C1QTNF6: variants seen among roughly 807,000 people sequenced by gnomAD.
The protein encoded by C1QTNF6 is complement C1q tumor necrosis factor-related protein 6.
C1QTNF6 carries 17 observed loss-of-function variants against 20.7 expected under a neutral mutation model. That is an observed-to-expected ratio of 0.82 (90% CI 0.56 to 1.23). The LOEUF is 1.23. Ranked by LOEUF, C1QTNF6 falls within the 50% of genes most tolerant of loss-of-function variation. C1QTNF6 has a pLI of 0.00. For synonymous variants in C1QTNF6, 130 were observed against 156.3 expected (o/e 0.83, Z 1.25); for missense variants, 329 against 389.7 (o/e 0.84, Z 1.31).
At position 37,182,160 on chromosome 22, in the gene C1QTNF6, T is replaced by A. The variant is rs1349590811; in HGVS notation, c.*28A>T. The A allele has an allele frequency of 6.3e-7, 1 of 1,586,264 alleles. No individual in the cohort carries two copies. The highest frequency in any genetic ancestry group is 1.2e-5 in the South Asian group (1 of 85,652). ...GGGGACGGGACCAGCACCTGAGCTC[T>A]CCAGCCGGGAGGGTGGCCCAGAGGC... On this transcript the variant is annotated 3_prime_UTR_variant, in exon 3 of 3. Transcript: ENST00000337843.
intron 1 of C1QTNF6, chr22:37,185,929 G>A (rs1018066436): frequency 4.1e-6 from 4 of 986,234 alleles, no homozygotes; most frequent in South Asian, 9.4e-5. Flanking sequence ...CATGCCCTCC[G>A]GGCAGGAGGA....
At chr22:37,197,991 G>C (rs149975694), upstream of C1QTNF6, 1 of 152,262 alleles carries the variant, frequency 6.6e-6, no homozygotes, top group Non-Finnish European at 1.5e-5. Flanking sequence ...CATCGGGGCC[G>C]ACTGGTGGAA....
At chr22:37,197,624 T>C (rs229545) in exon 1 of C1QTNF6, 1,966 of 152,356 alleles carry the variant, frequency 0.013, 53 homozygotes, top group African/African-American at 0.044. Context: ...GCCAGCTCAT[T>C]TGGCTCCCGG....
intron 1 of C1QTNF6, 21 bp downstream of exon 1, chr22:37,188,142 G>A (rs765002650): frequency 7.5e-6 from 12 of 1,600,800 alleles, no homozygotes; most frequent in Non-Finnish European, 1.0e-5. Context: ...CCCCAAGCTT[G>A]AGGAGCCTCT....
upstream of C1QTNF6, chr22:37,188,312 A>AGAGGAGGGGATGGAGGGAGT: frequency 5.7e-6 from 5 of 880,816 alleles, no homozygotes; most frequent in South Asian, 2.0e-5. Context: ...ATGGAGGGAG[A>AGAGGAGGGGATGGAGGGAGT]GAGGGCGGAG....
chr22:37,188,572 G>T (rs575427510), upstream of C1QTNF6: 5 of 203,082 alleles, frequency 2.5e-5, no homozygotes, highest in East Asian at 1.1e-4. Context: ...GCTCAGGAAG[G>T]GGGAGGCAGC....
rs148781703 is a variant in C1QTNF6 at position 37,181,821 on chromosome 22, C to A, written c.*367G>T. The A allele has an allele frequency of 6.1e-3, 1,649 of 269,544 alleles. 18 individuals are homozygous for A. Among genetic ancestry groups the A allele is most frequent in the South Asian group, 0.017 (301 of 17,796 alleles). The allele number at this position is 269,544 out of a possible 1,614,324, so 16.7% of individuals were successfully genotyped here. On this transcript the variant is annotated 3_prime_UTR_variant, in exon 3 of 3. Coordinates refer to ENST00000337843, the MANE Select transcript of C1QTNF6 (RefSeq NM_031910.4). ...TCATAGACTGACCCCATCAGCATCA[C>A]CCAGGAACATATGAGAAACACAGAA...
rs372776796 is a variant in C1QTNF6, at chr22:37,181,859, T to C, written c.*329A>G. 2.2e-4 allele frequency: 78 copies of C among 356,140 alleles called. 1 individual carries two copies. Among genetic ancestry groups the C allele is most frequent in the African/African-American group, 1.5e-3 (74 of 48,016 alleles). 22.1% of individuals were successfully genotyped at this position (356,140 alleles called of 1,614,324 possible). A position where few individuals can be genotyped will look rare whatever the true frequency, so the allele number is the denominator to read the frequency against. ...GAGAAACACAGAATCCTGGACCCAC[T>C]CAGACCTGCTGAGTCAGAATCTGCA... On this transcript the variant is annotated 3_prime_UTR_variant, in exon 3 of 3. Transcript: ENST00000337843.
Position 37,182,357 on chromosome 22 carries a change from G to C in C1QTNF6, c.668C>G (p.Pro223Arg). ...QKEAVILYAQ[P>R]SERSIMQSQS... The stretch of plus-strand genomic sequence containing the variant: ...GCTCTGCATGATGCTGCGCTCGCTG[G>C]GCTGCGCGTACAGGATGACAGCCTC... Residue 223 changes from proline to arginine, a missense_variant, in exon 3 of 3, where the codon CCC becomes CGC. By Grantham distance (103) the Pro-to-Arg change is moderately radical. Coordinates refer to ENST00000337843, the MANE Select transcript of C1QTNF6 (RefSeq NM_031910.4). 1.1e-5 allele frequency: 17 copies of C among 1,614,258 alleles called. No individual in the cohort carries two copies. The highest frequency in any genetic ancestry group is 1.4e-5 in the Non-Finnish European group (17 of 1,180,042).
chr22:37,182,365 G>A lies in C1QTNF6; in HGVS notation c.660C>T (p.Tyr220=), dbSNP rs759447669. 1.2e-5 allele frequency: 19 copies of A among 1,614,240 alleles called. No homozygotes were observed. The highest frequency in any genetic ancestry group is 4.4e-5 in the South Asian group (4 of 91,082). Residue 220 remains tyrosine, a synonymous_variant, in exon 3 of 3, where the codon TAC becomes TAT. Coordinates refer to ENST00000337843, the MANE Select transcript of C1QTNF6 (RefSeq NM_031910.4). ...MHNQKEAVIL[Y]AQPSERSIMQ... ...TGATGCTGCGCTCGCTGGGCTGCGC[G>A]TACAGGATGACAGCCTCTTTCTGGT...
intron 2 of C1QTNF6, among the ~76,000 whole-genome samples, chr22:37,194,358 C>A (rs1925009789): frequency 6.6e-6 from 1 of 152,196 alleles, no homozygotes; most frequent in Non-Finnish European, 1.5e-5. Context: ...GACTAGCCCC[C>A]ATGAATTCTT....
At chr22:37,188,863 G>C (rs994628870), upstream of C1QTNF6, among the ~76,000 whole-genome samples, 2 of 152,238 alleles carry the variant, frequency 1.3e-5, no homozygotes, top group African/African-American at 4.8e-5. Context: ...GTACTGATCA[G>C]ACCCCAAGAG....
In C1QTNF6 at chr22:37,184,526, C is replaced by T; in HGVS notation, c.289+692G>A. 1.4e-6 allele frequency: 1 copy of T among 709,714 alleles called. No homozygotes were observed. The highest frequency in any genetic ancestry group is 2.7e-5 in the East Asian group (1 of 37,172). 44.0% of individuals were successfully genotyped at this position (709,714 alleles called of 1,614,324 possible). A position where few individuals can be genotyped will look rare whatever the true frequency, so the allele number is the denominator to read the frequency against. The stretch of plus-strand genomic sequence containing the variant: ...GACGGGCCCTCACCTGGACAGCCCT[C>T]ACCTGGACAGCCCTCACCTGGATGG... On this transcript the variant is annotated intron_variant, in intron 2 of 2. Transcript: ENST00000337843. The surrounding 1 kb of genome is among the most constrained non-coding windows in gnomAD (Gnocchi z 4.0).
Position 37,180,936 on chromosome 22 carries a change from C to T in C1QTNF6, c.*1252G>A, listed in dbSNP as rs181195839. 3.0e-3 allele frequency: 454 copies of T among 152,608 alleles called. 3 individuals carry two copies. Among genetic ancestry groups the T allele is most frequent in the Admixed American group, 5.7e-3 (87 of 15,304 alleles). The allele number at this position is 152,608 out of a possible 1,614,324, so 9.5% of individuals were successfully genotyped here. A position where few individuals can be genotyped will look rare whatever the true frequency, so the allele number is the denominator to read the frequency against. Reference sequence around the variant, plus strand: ...ACTTCACCCCCCAAATGCCCCCACACTCCTGGGTCCTCTCCTCACAGAACC... The same window carrying T: ...ACTTCACCCCCCAAATGCCCCCACATTCCTGGGTCCTCTCCTCACAGAACC... On this transcript the variant is annotated 3_prime_UTR_variant, in exon 3 of 3. Coordinates refer to ENST00000337843, the MANE Select transcript of C1QTNF6 (RefSeq NM_031910.4).
rs993370741 is a variant in C1QTNF6, at chr22:37,194,519, T to C, written n.224+862A>G. Among the ~76,000 whole-genome samples, 10 of 152,352 alleles carry C rather than the reference T, an allele frequency of 6.6e-5. No homozygotes were observed. The East Asian group carries it at 1.2e-3, about 18-fold the overall frequency. On this transcript the variant is annotated intron_variant and non_coding_transcript_variant, in intron 2 of 4. Coordinates refer to the C1QTNF6 transcript ENST00000467564. ...CAGGTTTCTGGGTTCCCTTTCTCTCTGTGGCTTTGATGGCCCTGCTTACTG... is the reference window on the plus strand; with the variant it reads ...CAGGTTTCTGGGTTCCCTTTCTCTCCGTGGCTTTGATGGCCCTGCTTACTG...
intron 1 of C1QTNF6, 55 bp from the exon 2 acceptor site, chr22:37,185,510 C>T: frequency 3.3e-6 from 5 of 1,494,466 alleles, no homozygotes; most frequent in Non-Finnish European, 4.5e-6. Context: ...CTACTATGTG[C>T]CGATGCCTGG....
At chr22:37,199,366 C>T (rs1925352638), upstream of C1QTNF6, 1 of 152,384 alleles carries the variant, frequency 6.6e-6, no homozygotes, top group Non-Finnish European at 1.5e-5. Context: ...GGACCTGCCT[C>T]TCTGGCCCAC....
At position 37,181,899 on chromosome 22, in the gene C1QTNF6, C is replaced by T. The variant is rs868450654; in HGVS notation, c.*289G>A. ...CAGAATCTGCATTTAACACGAACCC[C>T]GGGTGATTCGCATGCATTTCCAAGT... On this transcript the variant is annotated 3_prime_UTR_variant, in exon 3 of 3. Coordinates refer to ENST00000337843, the MANE Select transcript of C1QTNF6 (RefSeq NM_031910.4). The T allele has an allele frequency of 1.4e-5, 6 of 443,754 alleles. 1 individual carries two copies. The highest frequency in any genetic ancestry group is 1.3e-4 in the East Asian group (3 of 23,398). 27.5% of individuals were successfully genotyped at this position (443,754 alleles called of 1,614,324 possible). A position where few individuals can be genotyped will look rare whatever the true frequency, so the allele number is the denominator to read the frequency against.
chr22:37,182,313 G>T lies in C1QTNF6; in HGVS notation c.712C>A (p.Leu238Met), dbSNP rs1433109723. ...ACCCAGACGCGGTCCCCGTAGGCCAGGTCCAGCATCACACTCTGGCTCTGC... is the reference window on the plus strand; with the variant it reads ...ACCCAGACGCGGTCCCCGTAGGCCATGTCCAGCATCACACTCTGGCTCTGC... ...IMQSQSVMLD[L>M]AYGDRVWVRL... Residue 238 changes from leucine (L) to methionine (M), a missense_variant, in exon 3 of 3, where the codon CTG (leucine) becomes ATG (methionine). Coordinates refer to ENST00000337843, the MANE Select transcript of C1QTNF6 (RefSeq NM_031910.4). 6.2e-7 allele frequency: 1 copy of T among 1,614,096 alleles called. No homozygotes were observed. The highest frequency in any genetic ancestry group is 8.5e-7 in the Non-Finnish European group (1 of 1,180,032).
Sources: gnomAD v4.1 joint callset for allele counts (sites outside exome capture counted in the v4.1 genomes callset) on GRCh38, gnomAD v4.1.1 for gene constraint, Gnocchi (gnomAD v3.1) non-coding constraint, MANE v1.5 for transcripts, NCBI Gene and HGNC (gene_info 2026-07-23, HGNC 2026-07-21) for gene names.